The following ARID4B variants were observed in gnomAD, a reference collection of about 807,000 sequenced individuals.
ARID4B encodes AT-rich interaction domain 4B, also known as AT-rich interactive domain-containing protein 4B.
In ARID4B, 26 loss-of-function variants were observed where a neutral mutation model predicts 147.5. That is an observed-to-expected ratio of 0.18 (90% CI 0.13 to 0.24). The LOEUF is 0.24. Ranked by LOEUF, ARID4B falls within the 10% of genes least tolerant of loss-of-function variation. The probability of loss-of-function intolerance (pLI) is 1.00; values close to 1 mark genes in which losing one functional copy is unlikely to be tolerated. For missense variants in ARID4B, 1,179 were observed against 1,511.5 expected, an observed-to-expected ratio of 0.78 and a Z score of 3.65; for synonymous variants, 512 against 507.9, an observed-to-expected ratio of 1.01 and a Z score of -0.11.
chr1:235,320,121 G>T (rs568928101), intron 2 of ARID4B, among the ~76,000 whole-genome samples: 1 of 140,296 alleles, frequency 7.1e-6, no homozygotes, highest in African/African-American at 2.9e-5. Context: ...GCGAAACTCC[G>T]TCTAAAAAAA....
chr1:235,203,823 AAGC>A (rs879789362), intron 17 of ARID4B, among the ~76,000 whole-genome samples: 2 of 152,186 alleles, frequency 1.3e-5, no homozygotes, highest in Non-Finnish European at 2.9e-5. Flanking sequence ...TCAAGATAAA[AAGC>A]AGTGTTAATC....
At chr1:235,321,675 T>C (rs1304087681) in intron 2 of ARID4B, among the ~76,000 whole-genome samples, 1 of 152,022 alleles carries the variant, frequency 6.6e-6, no homozygotes, top group African/African-American at 2.4e-5. Context: ...TTTTTTGTAT[T>C]TTTTTAGTAG....
chr1:235,170,344 C>T (rs557675151), intron 23 of ARID4B, among the ~76,000 whole-genome samples: 1 of 152,292 alleles, frequency 6.6e-6, no homozygotes, highest in East Asian at 1.9e-4. Context: ...TGTCTCTTTA[C>T]AGAAAATGTT....
At chr1:235,170,248 T>G (rs1016245401) in intron 23 of ARID4B, among the ~76,000 whole-genome samples, 1 of 152,224 alleles carries the variant, frequency 6.6e-6, no homozygotes, top group Non-Finnish European at 1.5e-5. Context: ...GTTTACATAT[T>G]GCCTATGGGA....
chr1:235,238,143 CAA>C (rs533707841), intron 8 of ARID4B, among the ~76,000 whole-genome samples: 5 of 80,870 alleles, frequency 6.2e-5, no homozygotes, highest in Non-Finnish European at 1.1e-4. Context: ...AACTCCATCT[CAA>C]AAAAAAAAAA....
At chr1:235,200,912 G>A (rs1665870462) in intron 17 of ARID4B, among the ~76,000 whole-genome samples, 1 of 152,140 alleles carries the variant, frequency 6.6e-6, no homozygotes, top group Non-Finnish European at 1.5e-5. Flanking sequence ...GGGAGGCCGA[G>A]GAGGGCGGAT....
At chr1:235,214,837 C>CTTTTTTTTTTTTTT (rs10657168) in intron 16 of ARID4B, among the ~76,000 whole-genome samples, 4 of 102,326 alleles carry the variant, frequency 3.9e-5, no homozygotes, top group African/African-American at 1.5e-4. Context: ...GTATTACATC[C>CTTTTTTTTTTTTTT]TTTTTTTTTT....
chr1:235,307,618 G>C (rs1345300442), intron 2 of ARID4B, among the ~76,000 whole-genome samples: 1 of 152,154 alleles, frequency 6.6e-6, no homozygotes, highest in African/African-American at 2.4e-5. Flanking sequence ...TTCTGAGCTA[G>C]ATCATATTCT....
intron 17 of ARID4B, among the ~76,000 whole-genome samples, chr1:235,198,734 T>C (rs543434261): frequency 5.9e-5 from 9 of 152,312 alleles, no homozygotes; most frequent in African/African-American, 1.9e-4. Flanking sequence ...ATTCTTAAAT[T>C]AGATGAAACA....
chr1:235,214,160 CAG>C (rs1666897852), intron 16 of ARID4B, 134 bp from the exon 17 acceptor site: 2 of 1,092,660 alleles, frequency 1.8e-6, no homozygotes, highest in East Asian at 2.4e-5. Context: ...ATGAAATTCT[CAG>C]AGTTTCATTT....
At chr1:235,183,587 A>G (rs920633227) in intron 19 of ARID4B, among the ~76,000 whole-genome samples, 4 of 152,114 alleles carry the variant, frequency 2.6e-5, no homozygotes, top group African/African-American at 9.7e-5. Flanking sequence ...TCCAAGCTGG[A>G]GTGCAGTGGC....
chr1:235,311,197 A>C (rs1267161575), intron 2 of ARID4B, among the ~76,000 whole-genome samples: 2 of 151,912 alleles, frequency 1.3e-5, no homozygotes, highest in African/African-American at 4.8e-5. Context: ...TCTCTAGAAA[A>C]TATAAAAAAT....
intron 17 of ARID4B, among the ~76,000 whole-genome samples, chr1:235,207,199 T>G (rs1300434388): frequency 6.6e-6 from 1 of 152,088 alleles, no homozygotes; most frequent in African/African-American, 2.4e-5. Context: ...CAGCTGAAAA[T>G]GAGGATAGGG....
In ARID4B at chr1:235,326,862, T is replaced by C; in HGVS notation, c.6+52A>G. ...ACACGACGACCTCGTCGAAACCTCC[T>C]ACTTCCTGAATTCGATAACCCCAGA... On this transcript the variant is annotated intron_variant, in intron 2 of 23. Coordinates refer to ENST00000264183, the MANE Select transcript of ARID4B (RefSeq NM_016374.6). The C allele has an allele frequency of 2.5e-6, 4 of 1,609,946 alleles. No individual in the cohort carries two copies. In the South Asian group the frequency reaches 3.3e-5, roughly 13 times the overall value.
At chr1:235,295,111 G>A (rs1672599521) in intron 2 of ARID4B, among the ~76,000 whole-genome samples, 1 of 152,008 alleles carries the variant, frequency 6.6e-6, no homozygotes, top group East Asian at 1.9e-4. Context: ...GACAGACAAA[G>A]GAATCTCAAA....
At chr1:235,321,270 A>G (rs745746734) in intron 2 of ARID4B, among the ~76,000 whole-genome samples, 13 of 152,216 alleles carry the variant, frequency 8.5e-5, no homozygotes, top group Non-Finnish European at 1.8e-4. Context: ...AAAGGACCAC[A>G]AATTTATAGC....
chr1:235,177,941 CA>C, intron 20 of ARID4B, 28 bp from the exon 21 acceptor site: 1 of 1,355,652 alleles, frequency 7.4e-7, no homozygotes, highest in South Asian at 1.4e-5. Flanking sequence ...TTAAGTAACA[CA>C]AAATAAAATC....
chr1:235,254,196 T>C (rs1342602085), intron 5 of ARID4B, among the ~76,000 whole-genome samples: 2 of 152,094 alleles, frequency 1.3e-5, no homozygotes, highest in Non-Finnish European at 2.9e-5. Flanking sequence ...TTTCCCTCTA[T>C]TTTCACCAGG....
chr1:235,296,605 A>G (rs763415007), intron 2 of ARID4B, among the ~76,000 whole-genome samples: 1 of 151,564 alleles, frequency 6.6e-6, no homozygotes, highest in Non-Finnish European at 1.5e-5. Flanking sequence ...CTATAGGCAC[A>G]CACCACCATG....
Sources: allele counts gnomAD v4.1 joint callset (sites outside exome capture counted in the v4.1 genomes callset), GRCh38; gene constraint gnomAD v4.1.1; transcripts MANE v1.5; gene names NCBI Gene and HGNC (gene_info 2026-07-23, HGNC 2026-07-21).